The following SH3BP5L variants were observed in gnomAD, a reference collection of about 807,000 sequenced individuals.
SH3BP5L encodes the protein SH3 domain-binding protein 5-like.
In SH3BP5L, 16 loss-of-function variants were observed where a neutral mutation model predicts 40.9. That is an observed-to-expected ratio of 0.39 (90% confidence interval 0.27 to 0.59). SH3BP5L has a LOEUF of 0.59. SH3BP5L is among the 20% of genes least tolerant of loss of function. The pLI is 0.53. For missense variants in SH3BP5L, 471 were observed against 544.6 expected (o/e 0.86, Z 1.35); for synonymous variants, 229 against 226.7 (o/e 1.01, Z -0.09).
At chr1:248,818,585 C>G (rs1420671321) in intron 2 of SH3BP5L, among the ~76,000 whole-genome samples, 1 of 152,188 alleles carries the variant, frequency 6.6e-6, no homozygotes, top group Non-Finnish European at 1.5e-5. Flanking sequence ...GAGGGAGAGT[C>G]CTGGGGAAAA....
chr1:248,812,749 TG>T lies in SH3BP5L; in HGVS notation c.711+239del, dbSNP rs1663985657. Among the ~76,000 whole-genome samples the T allele has an allele frequency of 6.6e-6, 1 of 152,170 alleles. No individual in the cohort carries two copies. The highest frequency in any genetic ancestry group is 1.5e-5 in the Non-Finnish European group (1 of 68,020). ...AGATTTCCACCAGTTCTTTTCCTCTTGTTTACCTCCCTTCTTCCAACTACGT... is the reference window on the plus strand; with the variant it reads ...AGATTTCCACCAGTTCTTTTCCTCTTTTTACCTCCCTTCTTCCAACTACGT... On this transcript the variant is annotated intron_variant, in intron 6 of 6. Transcript: ENST00000366472. This position sits in a 1 kb window ranked among gnomAD's most constrained non-coding sequence, Gnocchi z 6.1.
intron 2 of SH3BP5L, 72 bp from the exon 3 acceptor site, chr1:248,816,956 G>C (rs775344745): frequency 6.2e-7 from 1 of 1,610,376 alleles, no homozygotes; most frequent in Non-Finnish European, 8.5e-7. Context: ...CAAGGCAGGA[G>C]CAACACAGAG....
rs138827731 is a variant in SH3BP5L, at chr1:248,814,572, C to T, written c.414G>A (p.Glu138=). Residue 138 remains glutamate (E), a synonymous_variant, in exon 5 of 7, where the codon GAG becomes GAA. Coordinates refer to ENST00000366472, the MANE Select transcript of SH3BP5L (RefSeq NM_030645.3). ...CAGCGTTGTGCATGCTTACGGCCCG[C>T]TCGTACCGCAGCGCTGCCTTCTGTG... ...QETQKAALRY[E]RAVSMHNAAR... is the part of the protein sequence containing the mutation. 50 of 1,614,204 alleles carry T rather than the reference C, an allele frequency of 3.1e-5. No individual in the cohort carries two copies. In the African/African-American group the frequency reaches 6.1e-4, roughly 20 times the overall value.
intron 2 of SH3BP5L, 86 bp downstream of exon 2, chr1:248,824,667 G>A: frequency 6.7e-7 from 1 of 1,494,482 alleles, no homozygotes; most frequent in Non-Finnish European, 9.1e-7. Flanking sequence ...TGGGGACAGA[G>A]TAAGTCTAAG....
Position 248,816,813 on chromosome 1 carries a change from G to A in SH3BP5L, c.246+9C>T. ...ACCAGCCCAAGCACATAAGGAAAAG[G>A]ACACTCACATCCAGCTGTAGTTCCA... On this transcript the variant is annotated intron_variant, in intron 3 of 6. Coordinates refer to ENST00000366472, the MANE Select transcript of SH3BP5L (RefSeq NM_030645.3). 2.5e-6 allele frequency: 4 copies of A among 1,614,128 alleles called. No individual in the cohort carries two copies. Among genetic ancestry groups the A allele is most frequent in the Non-Finnish European group, 3.4e-6 (4 of 1,179,970 alleles).
chr1:248,815,581 T>C (rs73150585), intron 4 of SH3BP5L, among the ~76,000 whole-genome samples: 7,880 of 152,206 alleles, frequency 0.052, 717 homozygotes, highest in African/African-American at 0.18. Context: ...CCCCTGTAAG[T>C]GTGCCTTTCA....
In SH3BP5L at chr1:248,810,819, A is replaced by G. The variant is rs1284463120; in HGVS notation, c.*1081T>C. On this transcript the variant is annotated 3_prime_UTR_variant, in exon 7 of 7. Coordinates refer to ENST00000366472, the MANE Select transcript of SH3BP5L (RefSeq NM_030645.3). ...CTCCCTGCGGAGGGCAGAACTTTTCACCCCAAGCCAACCCCTCCCTGTAAC... is the reference window on the plus strand; with the variant it reads ...CTCCCTGCGGAGGGCAGAACTTTTCGCCCCAAGCCAACCCCTCCCTGTAAC... 7.2e-5 allele frequency: 11 copies of G among 152,566 alleles called. No individual in the cohort carries two copies. The highest frequency in any genetic ancestry group is 7.2e-4 in the Admixed American group (11 of 15,282). The allele number at this position is 152,566 out of a possible 1,614,324, so 9.5% of individuals were successfully genotyped here.
At chr1:248,815,548 C>T (rs944286781) in intron 4 of SH3BP5L, among the ~76,000 whole-genome samples, 5 of 152,206 alleles carry the variant, frequency 3.3e-5, no homozygotes, top group African/African-American at 9.7e-5. Context: ...CCTTCCAGGG[C>T]TAATTCCTAG....
intron 2 of SH3BP5L, 170 bp from the exon 3 acceptor site, chr1:248,817,054 A>T (rs1393127278): frequency 4.6e-6 from 7 of 1,535,604 alleles, no homozygotes; most frequent in Non-Finnish European, 6.1e-6. Context: ...TTTCTTGTCT[A>T]TCAGGGACCT....
chr1:248,825,097 A>C lies in SH3BP5L; in HGVS notation c.-162T>G, dbSNP rs1664343783. 7.1e-7 allele frequency: 1 copy of C among 1,405,300 alleles called. No individual in the cohort carries two copies. Among genetic ancestry groups the C allele is most frequent in the Non-Finnish European group, 9.2e-7 (1 of 1,084,324 alleles). 87.1% of individuals were successfully genotyped at this position (1,405,300 alleles called of 1,614,324 possible). A position where few individuals can be genotyped will look rare whatever the true frequency, so the allele number is the denominator to read the frequency against. On this transcript the variant is annotated 5_prime_UTR_variant, in exon 2 of 7. Coordinates refer to ENST00000366472, the MANE Select transcript of SH3BP5L (RefSeq NM_030645.3). Reference sequence around the variant, plus strand: ...CAGGAAGAACCTCACACTAGGTTAGAGGTTGAGATTCAAGTTGTCAGTGGG... The same window carrying C: ...CAGGAAGAACCTCACACTAGGTTAGCGGTTGAGATTCAAGTTGTCAGTGGG...
At chr1:248,824,702 G>A in intron 2 of SH3BP5L, 51 bp downstream of exon 2, 3 of 1,595,902 alleles carry the variant, frequency 1.9e-6, no homozygotes, top group Non-Finnish European at 2.6e-6. Context: ...ACACTCTTCA[G>A]GGAGGCTGGA....
chr1:248,812,260 C>CCGTG lies in SH3BP5L; in HGVS notation c.818_821dup (p.Arg275ThrfsTer36). The CCGTG allele has an allele frequency of 6.2e-7, 1 of 1,611,922 alleles. No homozygotes were observed. The highest frequency in any genetic ancestry group is 8.5e-7 in the Non-Finnish European group (1 of 1,179,876). The stretch of plus-strand genomic sequence containing the variant: ...GGTGGGGAGGCAGACCCCCGCGGCG[C>CCGTG]CGTGCGTGAATCTGCTCGCTGATCT... On this transcript the variant is annotated frameshift_variant, in exon 7 of 7. Coordinates refer to ENST00000366472, the MANE Select transcript of SH3BP5L (RefSeq NM_030645.3). LOFTEE classifies it high-confidence loss of function. This position sits in a 1 kb window ranked among gnomAD's most constrained non-coding sequence, Gnocchi z 6.1.
intron 2 of SH3BP5L, chr1:248,820,706 T>G (rs1350188056): frequency 6.6e-6 from 1 of 152,048 alleles, no homozygotes; most frequent in African/African-American, 2.4e-5. Flanking sequence ...ACAGCCCACG[T>G]AGGAAAAGGA....
intron 2 of SH3BP5L, among the ~76,000 whole-genome samples, chr1:248,817,880 A>G (rs1340087416): frequency 6.6e-6 from 1 of 152,126 alleles, no homozygotes; most frequent in Non-Finnish European, 1.5e-5. Context: ...GTGAAGAACA[A>G]AGGGCCAAGG....
Position 248,816,898 on chromosome 1 carries a change from G to A in SH3BP5L, c.184-14C>T, listed in dbSNP as rs891755885. Reference sequence around the variant, plus strand: ...CTCCAACTCCTCCTGCCACAGAGAGGGGTGGCAAATTAGTGCAGTGGAAGG... The same window carrying A: ...CTCCAACTCCTCCTGCCACAGAGAGAGGTGGCAAATTAGTGCAGTGGAAGG... On this transcript the variant is annotated splice_polypyrimidine_tract_variant and intron_variant, in intron 2 of 6. Coordinates refer to ENST00000366472, the MANE Select transcript of SH3BP5L (RefSeq NM_030645.3). 1.2e-6 allele frequency: 2 copies of A among 1,614,080 alleles called. No individual in the cohort carries two copies. The highest frequency in any genetic ancestry group is 4.5e-5 in the East Asian group (2 of 44,874).
chr1:248,819,054 C>A (rs1046860657), intron 2 of SH3BP5L, among the ~76,000 whole-genome samples: 11 of 152,322 alleles, frequency 7.2e-5, no homozygotes, highest in African/African-American at 2.4e-4. Flanking sequence ...GGCTGACATG[C>A]ACAATCTTCC....
chr1:248,818,088 C>T (rs967959089), intron 2 of SH3BP5L, among the ~76,000 whole-genome samples: 1 of 152,056 alleles, frequency 6.6e-6, no homozygotes, highest in African/African-American at 2.4e-5. Context: ...TGGCTCACAC[C>T]TGTAATCCCA....
rs1664258547 is a variant in SH3BP5L, at chr1:248,821,722, G to A, written c.183+3031C>T. On this transcript the variant is annotated intron_variant, in intron 2 of 6. Coordinates refer to ENST00000366472, the MANE Select transcript of SH3BP5L (RefSeq NM_030645.3). The surrounding 1 kb of genome is among the most constrained non-coding windows in gnomAD (Gnocchi z 4.6). Reference sequence around the variant, plus strand: ...TCGGAAAGCTGAGGATGAGCCTGGAGGACTCAAAAGAACTCCACTAAGATC... The same window carrying A: ...TCGGAAAGCTGAGGATGAGCCTGGAAGACTCAAAAGAACTCCACTAAGATC... Among the ~76,000 whole-genome samples, 1 of 152,040 alleles carries A rather than the reference G, an allele frequency of 6.6e-6. No individual in the cohort carries two copies. Among genetic ancestry groups the A allele is most frequent in the Non-Finnish European group, 1.5e-5 (1 of 68,004 alleles).
intron 2 of SH3BP5L, among the ~76,000 whole-genome samples, chr1:248,823,284 G>A (rs773333214): frequency 1.3e-5 from 2 of 152,070 alleles, no homozygotes; most frequent in Non-Finnish European, 2.9e-5. Flanking sequence ...TATCACCAAG[G>A]AACAAGCAAA....
Sources: allele counts gnomAD v4.1 joint callset (sites outside exome capture counted in the v4.1 genomes callset), GRCh38; gene constraint gnomAD v4.1.1; non-coding constraint Gnocchi (gnomAD v3.1); transcripts MANE v1.5; gene names NCBI Gene and HGNC (gene_info 2026-07-23, HGNC 2026-07-21).